The following SETD9 variants were observed in gnomAD, a reference collection of about 807,000 sequenced individuals.
SETD9 encodes the protein SET domain containing 9.
SETD9 carries 37 observed loss-of-function variants against 36.4 expected under a neutral mutation model. That is an observed-to-expected ratio of 1.02 (90% confidence interval 0.78 to 1.34). The LOEUF is 1.34. Among genes scored for constraint, SETD9 ranks in the 40% most tolerant of loss-of-function variants. SETD9 has a pLI of 0.00. For synonymous variants in SETD9, 128 were observed against 132.9 expected (o/e 0.96, Z 0.26); for missense variants, 323 against 353.2 (o/e 0.91, Z 0.69).
At chr5:56,925,318 T>G (rs1749910905) in intron 5 of SETD9, 1 of 454,496 alleles carries the variant, frequency 2.2e-6, no homozygotes, top group South Asian at 1.6e-5. Flanking sequence ...GAAATAAAAC[T>G]GTCTCTGTTT....
At chr5:56,928,121 A>G (rs1750086516), downstream of SETD9, 1 of 152,204 alleles carries the variant, frequency 6.6e-6, no homozygotes, top group Non-Finnish European at 1.5e-5. Flanking sequence ...ACCTCAAAGG[A>G]CATACAGGTT....
downstream of SETD9, among the ~76,000 whole-genome samples, chr5:56,917,741 A>G (rs1480257819): frequency 1.3e-5 from 2 of 152,238 alleles, no homozygotes; most frequent in African/African-American, 4.8e-5. Context: ...AGCCAGTGAC[A>G]GAGTGAGTCC....
At chr5:56,915,340 G>C (rs1749371817) in intron 5 of SETD9, among the ~76,000 whole-genome samples, 1 of 152,046 alleles carries the variant, frequency 6.6e-6, no homozygotes, top group South Asian at 2.1e-4. Context: ...TGAAGAAAGA[G>C]GCCAAATTAC....
downstream of SETD9, chr5:56,928,628 A>G (rs954632491): frequency 1.1e-5 from 6 of 554,990 alleles, no homozygotes; most frequent in African/African-American, 1.9e-5. Flanking sequence ...TGAGCAAATT[A>G]GTCATGTTAG....
At chr5:56,916,516 T>C (rs10058209) in intron 5 of SETD9, among the ~76,000 whole-genome samples, 3,323 of 152,354 alleles carry the variant, frequency 0.022, 129 homozygotes, top group African/African-American at 0.076. Flanking sequence ...AAAACTATAA[T>C]GTCATTTTAA....
chr5:56,916,915 G>T lies in SETD9; in HGVS notation c.*13G>T, dbSNP rs781331236. The T allele has an allele frequency of 6.3e-7, 1 of 1,590,460 alleles. No individual in the cohort carries two copies. Among genetic ancestry groups the T allele is most frequent in the African/African-American group, 1.4e-5 (1 of 74,040 alleles). On this transcript the variant is annotated 3_prime_UTR_variant, in exon 6 of 6. Transcript: ENST00000285947. Reference sequence around the variant, plus strand: ...AATTGTCAGCTAACTCTGTGAATCAGAAATTATTAGGTTTTCTACTCAGCT... The same window carrying T: ...AATTGTCAGCTAACTCTGTGAATCATAAATTATTAGGTTTTCTACTCAGCT...
chr5:56,910,051 G>A lies in SETD9; in HGVS notation c.98+308G>A, dbSNP rs987125659. On this transcript the variant is annotated intron_variant, in intron 1 of 5. Transcript: ENST00000285947. ...CCTCTTTCCCAGTGTCCGCTGCGCT[G>A]CCGGGCCCGCGAGGCCGAGCTCGCC... 6.1e-6 allele frequency: 8 copies of A among 1,301,686 alleles called. No individual in the cohort carries two copies. In the African/African-American group the frequency reaches 1.1e-4, roughly 17 times the overall value. 80.6% of individuals were successfully genotyped at this position (1,301,686 alleles called of 1,614,324 possible).
chr5:56,911,559 A>C (rs777845401), intron 2 of SETD9, 23 bp downstream of exon 2: 21 of 1,501,700 alleles, frequency 1.4e-5, no homozygotes, highest in Non-Finnish European at 1.9e-5. Context: ...TTAATATTAT[A>C]CTTTGCCAAG....
At chr5:56,928,521 TA>T, downstream of SETD9, 1 of 293,894 alleles carries the variant, frequency 3.4e-6, no homozygotes, top group Non-Finnish European at 6.3e-6. Context: ...TGAGACTTCC[TA>T]AAAAATACAG....
chr5:56,926,042 A>G (rs1233089222), downstream of SETD9, among the ~76,000 whole-genome samples: 1 of 152,060 alleles, frequency 6.6e-6, no homozygotes, highest in African/African-American at 2.4e-5. Context: ...GGACATCCAC[A>G]TAAAAAAAAA....
chr5:56,928,805 G>A, downstream of SETD9: 5 of 1,613,424 alleles, frequency 3.1e-6, no homozygotes, highest in Non-Finnish European at 4.2e-6. Context: ...TTTCCAAAAA[G>A]CATGAGTGCA....
intron 5 of SETD9, among the ~76,000 whole-genome samples, chr5:56,915,564 T>C (rs1749383597): frequency 6.6e-6 from 1 of 152,188 alleles, no homozygotes; most frequent in Non-Finnish European, 1.5e-5. Context: ...GAAGATACAA[T>C]CTTTGTATTA....
chr5:56,913,565 G>A (rs769935084), intron 3 of SETD9, among the ~76,000 whole-genome samples: 13 of 151,564 alleles, frequency 8.6e-5, no homozygotes, highest in Admixed American at 6.6e-5. Flanking sequence ...TGTATTTTTA[G>A]TAGAGTTGGG....
chr5:56,921,776 C>G (rs1749686129), downstream of SETD9: 1 of 152,562 alleles, frequency 6.6e-6, no homozygotes, highest in South Asian at 2.1e-4. Flanking sequence ...TAAGACGGTG[C>G]AAACAACATA....
At chr5:56,924,570 A>G (rs1190442006) in intron 5 of SETD9, among the ~76,000 whole-genome samples, 1 of 152,252 alleles carries the variant, frequency 6.6e-6, no homozygotes, top group East Asian at 1.9e-4. Flanking sequence ...AAATGGACCA[A>G]CGGTCTACAG....
Position 56,910,188 on chromosome 5 carries a change from C to T in SETD9, c.98+445C>T, listed in dbSNP as rs1749040074. 4 of 1,245,998 alleles carry T rather than the reference C, an allele frequency of 3.2e-6. No homozygotes were observed. In the African/African-American group the frequency reaches 4.7e-5, roughly 15 times the overall value. 77.2% of individuals were successfully genotyped at this position (1,245,998 alleles called of 1,614,324 possible). On this transcript the variant is annotated intron_variant, in intron 1 of 5. Transcript: ENST00000285947. ...AGACTGCCCTTACCGCGTGAGAGTG[C>T]GTGGCTTTTTCTCCACCAGGGGTTA...
chr5:56,918,557 C>G (rs186347562), downstream of SETD9, among the ~76,000 whole-genome samples: 4 of 152,330 alleles, frequency 2.6e-5, no homozygotes, highest in Admixed American at 6.5e-5. Flanking sequence ...CCTGAAAATA[C>G]TCTGAGCTCT....
In SETD9 at chr5:56,911,399, T is replaced by G; in HGVS notation, c.329T>G (p.Phe110Cys). 1 of 1,613,826 alleles carries G rather than the reference T, an allele frequency of 6.2e-7. No homozygotes were observed. The highest frequency in any genetic ancestry group is 8.5e-7 in the Non-Finnish European group (1 of 1,179,938). ...LENRHQQQST[F>C]KPEEILYKTL... is the part of the protein sequence containing the mutation. ...AACAGACATCAACAGCAAAGTACCTTTAAACCAGAAGAAATTCTTTACAAG... is the reference window on the plus strand; with the variant it reads ...AACAGACATCAACAGCAAAGTACCTGTAAACCAGAAGAAATTCTTTACAAG... Residue 110 changes from phenylalanine (F) to cysteine (C), a missense_variant, in exon 2 of 6, where the codon TTT becomes TGT. By Grantham distance (205) the Phe-to-Cys change is radical. Transcript: ENST00000285947.
chr5:56,917,531 G>C (rs753943502), downstream of SETD9, among the ~76,000 whole-genome samples: 1 of 152,166 alleles, frequency 6.6e-6, no homozygotes, highest in African/African-American at 2.4e-5. Flanking sequence ...TCATGTGGAG[G>C]GCTTCCACTG....
Sources: allele counts gnomAD v4.1 joint callset (sites outside exome capture counted in the v4.1 genomes callset), GRCh38; gene constraint gnomAD v4.1.1; transcripts MANE v1.5; gene names NCBI Gene and HGNC (gene_info 2026-07-23, HGNC 2026-07-21).